Variants in CRPPA observed in about 807,000 individuals in gnomAD.
CRPPA encodes CDP-L-ribitol pyrophosphorylase A, also known as D-ribitol-5-phosphate cytidylyltransferase.
In CRPPA, 43 loss-of-function variants were observed where a neutral mutation model predicts 52.0. That is an observed-to-expected ratio of 0.83 (90% CI 0.65 to 1.07). The LOEUF (loss-of-function observed/expected upper bound fraction) is 1.07, where lower values mean the gene tolerates loss of function less well. Ranked by LOEUF, CRPPA falls within the 50% of genes least tolerant of loss-of-function variation. The probability of loss-of-function intolerance (pLI) is 0.00; values close to 1 mark genes in which losing one functional copy is unlikely to be tolerated. For missense variants in CRPPA, 629 were observed against 551.7 expected (o/e 1.14, Z -1.40); for synonymous variants, 250 against 203.5 (o/e 1.23, Z -1.94).
intron 2 of CRPPA, among the ~76,000 whole-genome samples, chr7:16,396,628 A>G (rs952058635): frequency 2.0e-5 from 3 of 152,256 alleles, no homozygotes; most frequent in Non-Finnish European, 4.4e-5. Flanking sequence ...ACACATGCAT[A>G]TATGTAGCAG....
At chr7:16,102,752 G>A (rs546789657) in intron 9 of CRPPA, among the ~76,000 whole-genome samples, 35 of 152,300 alleles carry the variant, frequency 2.3e-4, no homozygotes, top group Non-Finnish European at 3.7e-4. Context: ...AAACCACAAT[G>A]AGATGCCATC....
chr7:16,122,141 C>T (rs1782491931), intron 9 of CRPPA, among the ~76,000 whole-genome samples: 1 of 152,028 alleles, frequency 6.6e-6, no homozygotes, highest in African/African-American at 2.4e-5. Flanking sequence ...GCTGGATATA[C>T]TAATTTCATA....
chr7:16,134,329 T>C (rs1289818198), intron 9 of CRPPA, among the ~76,000 whole-genome samples: 1 of 124,024 alleles, frequency 8.1e-6, no homozygotes, highest in Non-Finnish European at 1.8e-5. Flanking sequence ...ACCCCCAGGC[T>C]ACAGACCACT....
intron 5 of CRPPA, among the ~76,000 whole-genome samples, chr7:16,290,864 A>G (rs1333050261): frequency 6.6e-6 from 1 of 152,094 alleles, no homozygotes; most frequent in Non-Finnish European, 1.5e-5. Context: ...GTTGAATACA[A>G]GAAGATATTT....
chr7:16,355,454 A>G (rs1168935835), intron 3 of CRPPA, among the ~76,000 whole-genome samples: 1 of 152,166 alleles, frequency 6.6e-6, no homozygotes, highest in Non-Finnish European at 1.5e-5. Context: ...CTGGTTGTTC[A>G]TATCTCATGC....
Position 16,376,898 on chromosome 7 carries a change from T to C in CRPPA, c.535-657A>G, listed in dbSNP as rs10263566. Among the ~76,000 whole-genome samples, 5 of 152,240 alleles carry C rather than the reference T, an allele frequency of 3.3e-5. No individual in the cohort carries two copies. In the East Asian group the frequency reaches 9.6e-4, roughly 29 times the overall value. ...CTGACAATTTTTCCCTTTATCTTTTTTGGAGTCCCATTGTAAGACAGTTTT... is the reference window on the plus strand; with the variant it reads ...CTGACAATTTTTCCCTTTATCTTTTCTGGAGTCCCATTGTAAGACAGTTTT... On this transcript the variant is annotated intron_variant, in intron 2 of 9. Coordinates refer to ENST00000407010, the MANE Select transcript of CRPPA (RefSeq NM_001101426.4).
intron 9 of CRPPA, among the ~76,000 whole-genome samples, chr7:16,168,329 C>T (rs1247590713): frequency 6.6e-6 from 1 of 151,978 alleles, no homozygotes; most frequent in Non-Finnish European, 1.5e-5. Context: ...AAATTAAGTG[C>T]ATAGGGACAT....
At chr7:16,139,001 C>T (rs1782814667) in intron 9 of CRPPA, among the ~76,000 whole-genome samples, 1 of 152,108 alleles carries the variant, frequency 6.6e-6, no homozygotes, top group African/African-American at 2.4e-5. Context: ...AGGTTTTCAC[C>T]ATGTTGGTCA....
At position 16,137,499 on chromosome 7, in the gene CRPPA, A is replaced by G. The variant is rs186233032; in HGVS notation, c.1252-45700T>C. On this transcript the variant is annotated intron_variant, in intron 9 of 9. Coordinates refer to ENST00000407010, the MANE Select transcript of CRPPA (RefSeq NM_001101426.4). Reference sequence around the variant, plus strand: ...AAATTATTCTCTAAAAAATGGGCTCATGTATTAACTTTTTTAAAAATGATA... The same window carrying G: ...AAATTATTCTCTAAAAAATGGGCTCGTGTATTAACTTTTTTAAAAATGATA... 1.8e-4 allele frequency among the ~76,000 whole-genome samples: 27 copies of G among 152,328 alleles called. No homozygotes were observed. In the East Asian group the frequency reaches 4.0e-3, roughly 23 times the overall value.
chr7:16,329,692 T>C lies in CRPPA; in HGVS notation c.685-21065A>G, dbSNP rs62441910. On this transcript the variant is annotated intron_variant, in intron 3 of 9. Coordinates refer to ENST00000407010, the MANE Select transcript of CRPPA (RefSeq NM_001101426.4). ...TACAATACAAACACGTAAACAATCT[T>C]CTACACACACAAACACAAAAAGCTG... 9.5e-3 allele frequency among the ~76,000 whole-genome samples: 1,448 copies of C among 152,272 alleles called. 8 individuals are homozygous for C. The highest frequency in any genetic ancestry group is 0.017 in the Non-Finnish European group (1,136 of 68,028).
At chr7:16,100,208 C>T (rs549107308) in intron 9 of CRPPA, among the ~76,000 whole-genome samples, 1 of 152,250 alleles carries the variant, frequency 6.6e-6, no homozygotes, top group East Asian at 1.9e-4. Flanking sequence ...AATGGTTTCC[C>T]AGTAACTGTC....
At chr7:16,324,709 T>G (rs567327134) in intron 3 of CRPPA, among the ~76,000 whole-genome samples, 1 of 152,300 alleles carries the variant, frequency 6.6e-6, no homozygotes, top group East Asian at 1.9e-4. Context: ...GCTCATGACA[T>G]AACAACACAA....
chr7:16,145,466 T>G (rs1314007137), intron 9 of CRPPA, among the ~76,000 whole-genome samples: 3 of 152,072 alleles, frequency 2.0e-5, no homozygotes, highest in African/African-American at 7.2e-5. Context: ...AAGAAATTAA[T>G]AAACCCTCAG....
intron 9 of CRPPA, among the ~76,000 whole-genome samples, chr7:16,152,510 T>C: frequency 6.6e-6 from 1 of 152,116 alleles, no homozygotes; most frequent in African/African-American, 2.4e-5. Context: ...ATTCCCATTG[T>C]TTAAAAGATT....
chr7:16,291,770 G>A (rs548212288), intron 5 of CRPPA, among the ~76,000 whole-genome samples: 4 of 151,920 alleles, frequency 2.6e-5, no homozygotes, highest in African/African-American at 7.2e-5. Flanking sequence ...AAATGTTTGA[G>A]ATGATTGATA....
chr7:16,405,191 A>T (rs1480392103), intron 2 of CRPPA, among the ~76,000 whole-genome samples: 2 of 152,054 alleles, frequency 1.3e-5, no homozygotes, highest in African/African-American at 2.4e-5. Context: ...TATTACATAG[A>T]TGTTATAATT....
At chr7:16,099,310 GA>G (rs1458308690) in intron 9 of CRPPA, among the ~76,000 whole-genome samples, 13 of 148,620 alleles carry the variant, frequency 8.7e-5, no homozygotes, top group Non-Finnish European at 1.3e-4. Flanking sequence ...AAAGGAAAGG[GA>G]AGGAAAAAAC....
intron 3 of CRPPA, among the ~76,000 whole-genome samples, chr7:16,331,427 A>G (rs746337585): frequency 6.6e-6 from 1 of 152,196 alleles, no homozygotes. Context: ...CCTTCTACCC[A>G]ATACACTATA....
chr7:16,116,502 T>G (rs972963574), intron 9 of CRPPA, among the ~76,000 whole-genome samples: 4 of 151,778 alleles, frequency 2.6e-5, no homozygotes, highest in African/African-American at 9.7e-5. Flanking sequence ...CCATCTCTAC[T>G]AAAAATACAA....
Sources: gnomAD v4.1 joint callset for allele counts (sites outside exome capture counted in the v4.1 genomes callset) on GRCh38, gnomAD v4.1.1 for gene constraint, MANE v1.5 for transcripts, NCBI Gene and HGNC (gene_info 2026-07-23, HGNC 2026-07-21) for gene names.